The following MYO3B variants were observed in gnomAD, a reference collection of about 807,000 sequenced individuals.
The protein encoded by MYO3B is myosin IIIB, also known as myosin-IIIb.
A neutral mutation model predicts 174.6 loss-of-function variants in MYO3B; 156 were observed. The observed-to-expected ratio is 0.89, with a 90% CI of 0.78 to 1.02. The LOEUF (loss-of-function observed/expected upper bound fraction) is 1.02. MYO3B is among the 50% of genes least tolerant of loss of function. The probability of loss-of-function intolerance (pLI) is 0.00; values close to 1 mark genes in which losing one functional copy is unlikely to be tolerated. For synonymous variants in MYO3B, 563 were observed against 569.1 expected (o/e 0.99, Z 0.15); for missense variants, 1,632 against 1,639.4 (o/e 1.00, Z 0.08).
At chr2:170,581,300 G>T (rs1485920220) in intron 32 of MYO3B, among the ~76,000 whole-genome samples, 3 of 152,014 alleles carry the variant, frequency 2.0e-5, no homozygotes, top group African/African-American at 4.8e-5. Context: ...TTACTTTTTG[G>T]TGAACTACGT....
At chr2:170,571,313 C>T (rs576015658) in intron 32 of MYO3B, among the ~76,000 whole-genome samples, 3 of 152,230 alleles carry the variant, frequency 2.0e-5, no homozygotes, top group African/African-American at 7.2e-5. Flanking sequence ...CCTGTGGAAG[C>T]GCATTTAACA....
chr2:170,269,942 G>A lies in MYO3B; in HGVS notation c.749+33806G>A, dbSNP rs79116602. Among the ~76,000 whole-genome samples the A allele has an allele frequency of 8.7e-4, 132 of 152,320 alleles. 1 individual carries two copies. The highest frequency in any genetic ancestry group is 3.0e-3 in the African/African-American group (124 of 41,586). ...AGGAATAATTTGTATTTCTAAACAA[G>A]TATTAGGAGATAACGATGCTGCTGG... On this transcript the variant is annotated intron_variant, in intron 7 of 34. Coordinates refer to ENST00000408978, the MANE Select transcript of MYO3B (RefSeq NM_138995.5).
At chr2:170,477,207 G>T (rs1685370872) in intron 25 of MYO3B, among the ~76,000 whole-genome samples, 1 of 152,136 alleles carries the variant, frequency 6.6e-6, no homozygotes, top group Non-Finnish European at 1.5e-5. Context: ...CAGCCTTTGT[G>T]CATTCTCTTC....
intron 3 of MYO3B, among the ~76,000 whole-genome samples, chr2:170,213,677 GT>G (rs5836265): frequency 0.4 from 60,680 of 151,972 alleles, 12,084 homozygotes; most frequent in East Asian, 0.46. Context: ...TCAAACTTCA[GT>G]TAAGATACAA....
chr2:170,292,387 G>A (rs1398388624), intron 7 of MYO3B, among the ~76,000 whole-genome samples: 1 of 152,148 alleles, frequency 6.6e-6, no homozygotes, highest in Non-Finnish European at 1.5e-5. Flanking sequence ...TTCCTGGTCA[G>A]AGAGCTTACA....
intron 32 of MYO3B, among the ~76,000 whole-genome samples, chr2:170,572,607 C>CA (rs574487856): frequency 0.35 from 42,933 of 123,802 alleles, 7,732 homozygotes; most frequent in East Asian, 0.44. Context: ...GACCCTATAT[C>CA]AAAAAAAAAA....
Position 170,407,704 on chromosome 2 carries a change from T to G in MYO3B, c.2521-11T>G, listed in dbSNP as rs757105654. On this transcript the variant is annotated splice_polypyrimidine_tract_variant and intron_variant, in intron 21 of 34. Transcript: ENST00000408978. ...ACTTGGCTAATTTGCCGTTTGCTATTCATGTTACAGGTATTATATGATGCT... is the reference window on the plus strand; with the variant it reads ...ACTTGGCTAATTTGCCGTTTGCTATGCATGTTACAGGTATTATATGATGCT... 6.2e-6 allele frequency: 10 copies of G among 1,609,492 alleles called. No homozygotes were observed. Among genetic ancestry groups the G allele is most frequent in the Non-Finnish European group, 8.5e-6 (10 of 1,178,452 alleles).
chr2:170,444,741 G>T (rs1277404702), intron 23 of MYO3B, among the ~76,000 whole-genome samples: 3 of 152,132 alleles, frequency 2.0e-5, no homozygotes, highest in African/African-American at 7.2e-5. Context: ...GAGAATAAAA[G>T]ACTTATTTGC....
intron 27 of MYO3B, 139 bp downstream of exon 27, chr2:170,499,947 CTTCT>C (rs1335716833): frequency 3.0e-6 from 2 of 657,352 alleles, no homozygotes; most frequent in Non-Finnish European, 2.5e-6. Flanking sequence ...TCCTTCCTTC[CTTCT>C]TTCCTTCCTT....
chr2:170,179,844 G>C (rs1207616486), intron 1 of MYO3B, among the ~76,000 whole-genome samples: 1 of 152,108 alleles, frequency 6.6e-6, no homozygotes, highest in Non-Finnish European at 1.5e-5. Flanking sequence ...CGCTTGTATG[G>C]TATGTGTTTC....
intron 17 of MYO3B, among the ~76,000 whole-genome samples, chr2:170,400,663 C>T (rs2094469836): frequency 6.7e-6 from 1 of 150,202 alleles, no homozygotes; most frequent in African/African-American, 2.4e-5. Context: ...CCCCCTCGGC[C>T]TCCCAAAGTG....
intron 1 of MYO3B, among the ~76,000 whole-genome samples, chr2:170,193,027 C>T (rs2092558495): frequency 1.3e-5 from 2 of 151,800 alleles, no homozygotes; most frequent in Admixed American, 1.3e-4. Context: ...TATTGATGTG[C>T]ATCTAATAGG....
intron 6 of MYO3B, among the ~76,000 whole-genome samples, chr2:170,223,705 G>A (rs1463744062): frequency 1.3e-5 from 2 of 152,160 alleles, no homozygotes; most frequent in East Asian, 3.8e-4. Flanking sequence ...AATGGCAGGG[G>A]GTTAGGGGTA....
At chr2:170,411,312 A>G (rs780738417) in intron 22 of MYO3B, among the ~76,000 whole-genome samples, 3 of 152,222 alleles carry the variant, frequency 2.0e-5, no homozygotes, top group Non-Finnish European at 4.4e-5. Flanking sequence ...ATCGTTGTAC[A>G]AACATCATAG....
chr2:170,459,787 A>G (rs999832020), intron 23 of MYO3B, among the ~76,000 whole-genome samples: 5 of 152,114 alleles, frequency 3.3e-5, no homozygotes, highest in Non-Finnish European at 7.4e-5. Flanking sequence ...CCCACGGGGA[A>G]GTGGCTGAGG....
intron 1 of MYO3B, among the ~76,000 whole-genome samples, chr2:170,178,558 A>G (rs940401807): frequency 6.6e-6 from 1 of 151,248 alleles, no homozygotes; most frequent in Admixed American, 6.6e-5. Flanking sequence ...CCACACACAC[A>G]CACACACACA....
chr2:170,498,595 T>A lies in MYO3B; in HGVS notation c.3018T>A (p.Tyr1006Ter). ...RILFEEFVKR[Y>*]YYLAFTAHQT... is the part of the protein sequence containing the mutation. The stretch of plus-strand genomic sequence containing the variant: ...ACTTAATTCTTTTATTTTGCAGGTA[T>A]TATTACTTGGCATTCACAGCACATC... Residue 1006 changes from tyrosine (Y) to a stop codon, truncating the protein, a stop_gained, in exon 26 of 35, where the codon TAT becomes TAA. Transcript: ENST00000408978. LOFTEE classifies it high-confidence loss of function. The A allele has an allele frequency of 1.2e-6, 2 of 1,611,282 alleles. No individual in the cohort carries two copies. The highest frequency in any genetic ancestry group is 1.7e-6 in the Non-Finnish European group (2 of 1,177,544).
chr2:170,238,322 A>G (rs2093094171), intron 7 of MYO3B, among the ~76,000 whole-genome samples: 1 of 152,126 alleles, frequency 6.6e-6, no homozygotes, highest in Non-Finnish European at 1.5e-5. Flanking sequence ...GTTTCATTGG[A>G]ATCGATCTCA....
intron 32 of MYO3B, among the ~76,000 whole-genome samples, chr2:170,621,726 G>A (rs1201827746): frequency 6.6e-6 from 1 of 151,722 alleles, no homozygotes; most frequent in Non-Finnish European, 1.5e-5. Flanking sequence ...TGGTCAGGCC[G>A]GTCTCAAACT....
Sources: allele counts gnomAD v4.1 joint callset (sites outside exome capture counted in the v4.1 genomes callset), GRCh38; gene constraint gnomAD v4.1.1; transcripts MANE v1.5; gene names NCBI Gene and HGNC (gene_info 2026-07-23, HGNC 2026-07-21).